The following ZFAT variants were observed in gnomAD, a reference collection of about 807,000 sequenced individuals.
The protein encoded by ZFAT is zinc finger and AT-hook domain containing, also known as zinc finger protein ZFAT.
In ZFAT, 64 loss-of-function variants were observed where a neutral mutation model predicts 117.7. The ratio of observed to expected loss-of-function variants is 0.54; its 90% CI spans 0.44 to 0.67. ZFAT has a LOEUF of 0.67. ZFAT is among the 30% of genes least tolerant of loss of function. The probability of loss-of-function intolerance (pLI) is 0.00; values close to 1 mark genes in which losing one functional copy is unlikely to be tolerated. For synonymous variants in ZFAT, 679 were observed against 615.0 expected, an observed-to-expected ratio of 1.10 and a Z score of -1.54; for missense variants, 1,433 against 1,584.5, an observed-to-expected ratio of 0.90 and a Z score of 1.62.
chr8:134,524,711 C>T (rs1820901037), intron 12 of ZFAT, among the ~76,000 whole-genome samples: 1 of 152,184 alleles, frequency 6.6e-6, no homozygotes. Context: ...GGTTGAGAAG[C>T]CCTGCCTCAC....
chr8:134,532,376 C>T (rs1013063988), intron 12 of ZFAT, among the ~76,000 whole-genome samples: 16 of 152,242 alleles, frequency 1.1e-4, no homozygotes, highest in Non-Finnish European at 1.6e-4. Flanking sequence ...TGTTCGATAA[C>T]AGAATTGTTA....
chr8:134,781,881 T>C, the ZFAT span, among the ~76,000 whole-genome samples: 1 of 152,258 alleles, frequency 6.6e-6, no homozygotes, highest in Admixed American at 6.5e-5. Context: ...TTAACATTCT[T>C]TTCCCTAGCT....
At chr8:134,628,556 A>C (rs1321061385) in intron 3 of ZFAT, among the ~76,000 whole-genome samples, 1 of 152,228 alleles carries the variant, frequency 6.6e-6, no homozygotes, top group African/African-American at 2.4e-5. Flanking sequence ...GCATACAGCC[A>C]GGGGATGCCT....
At chr8:134,765,860 T>C in the ZFAT span, 1 of 151,774 alleles carries the variant, frequency 6.6e-6, no homozygotes, top group African/African-American at 2.4e-5. Context: ...TTGCTTACAG[T>C]GCGTAAGAAA....
chr8:134,569,787 G>A (rs1190535825), intron 10 of ZFAT, among the ~76,000 whole-genome samples: 1 of 152,140 alleles, frequency 6.6e-6, no homozygotes, highest in African/African-American at 2.4e-5. Context: ...GTACCTCCCT[G>A]ACACTCCCTG....
chr8:134,498,165 C>T (rs77325122), intron 15 of ZFAT, among the ~76,000 whole-genome samples: 2 of 32,518 alleles, frequency 6.2e-5, no homozygotes, highest in Non-Finnish European at 1.2e-4. Context: ...GGGATGCCCC[C>T]GTTGCTGGTT....
chr8:134,494,205 T>C (rs1818262557), intron 15 of ZFAT, among the ~76,000 whole-genome samples: 1 of 152,118 alleles, frequency 6.6e-6, no homozygotes, highest in Admixed American at 6.5e-5. Flanking sequence ...GCTGTTGGGG[T>C]TGGGCAAACC....
intron 7 of ZFAT, 138 bp downstream of exon 7, chr8:134,600,298 G>C: frequency 1.2e-6 from 1 of 812,426 alleles, no homozygotes. Context: ...TCTGCCACGT[G>C]CACAGCTGTG....
chr8:134,527,245 A>G (rs1821090256), intron 12 of ZFAT, among the ~76,000 whole-genome samples: 1 of 152,198 alleles, frequency 6.6e-6, no homozygotes, highest in Admixed American at 6.5e-5. Flanking sequence ...CAGAAGGAAT[A>G]TTTGTTAGCA....
At chr8:134,630,016 C>T (rs1045791292) in intron 3 of ZFAT, among the ~76,000 whole-genome samples, 19 of 152,240 alleles carry the variant, frequency 1.2e-4, no homozygotes, top group Middle Eastern at 3.4e-3. Context: ...CCTGCAACAC[C>T]GACAAGAAAG....
intron 11 of ZFAT, among the ~76,000 whole-genome samples, chr8:134,563,952 G>C (rs1206174569): frequency 1.3e-5 from 2 of 151,480 alleles, no homozygotes; most frequent in Admixed American, 6.6e-5. Flanking sequence ...AAAATATTTA[G>C]GTTGCTCATA....
At chr8:134,816,637 G>A in the ZFAT span, among the ~76,000 whole-genome samples, 215 of 152,216 alleles carry the variant, frequency 1.4e-3, 1 homozygote, top group African/African-American at 5.0e-3. Flanking sequence ...GAAGGCTAAA[G>A]TATTTTTTAA....
intron 3 of ZFAT, among the ~76,000 whole-genome samples, chr8:134,633,095 T>G (rs1829994026): frequency 6.6e-6 from 1 of 152,156 alleles, no homozygotes; most frequent in African/African-American, 2.4e-5. Context: ...TATGCCCTAT[T>G]TGCATTTTCC....
At chr8:134,482,522 AG>A (rs1483442984) in intron 15 of ZFAT, among the ~76,000 whole-genome samples, 1 of 152,218 alleles carries the variant, frequency 6.6e-6, no homozygotes, top group Non-Finnish European at 1.5e-5. Context: ...CCTCCTGAGA[AG>A]TATGCCTCTC....
chr8:134,701,885 C>T (rs1834016940), intron 1 of ZFAT, among the ~76,000 whole-genome samples: 1 of 152,210 alleles, frequency 6.6e-6, no homozygotes, highest in African/African-American at 2.4e-5. Context: ...CATGTTGAAA[C>T]TTAATCCCCA....
At chr8:134,581,865 T>C (rs765069807) in intron 10 of ZFAT, among the ~76,000 whole-genome samples, 24 of 152,164 alleles carry the variant, frequency 1.6e-4, no homozygotes, top group Non-Finnish European at 2.9e-4. Flanking sequence ...GCTGGGATTA[T>C]AGGCATGAGC....
At chr8:134,638,046 T>C (rs919756426) in intron 2 of ZFAT, among the ~76,000 whole-genome samples, 2 of 152,294 alleles carry the variant, frequency 1.3e-5, no homozygotes, top group African/African-American at 4.8e-5. Context: ...TTAAGCACCA[T>C]TTCCACTGAA....
chr8:134,734,237 G>A, the ZFAT span, among the ~76,000 whole-genome samples: 1 of 152,208 alleles, frequency 6.6e-6, no homozygotes, highest in East Asian at 1.9e-4. Flanking sequence ...GCAACTTTAG[G>A]CTGCTTTCAC....
intron 14 of ZFAT, among the ~76,000 whole-genome samples, chr8:134,510,491 C>T (rs551009033): frequency 6.6e-6 from 1 of 152,230 alleles, no homozygotes; most frequent in East Asian, 1.9e-4. Context: ...GGCCGTGTTC[C>T]AATGCGAGTC....
Sources: gnomAD v4.1 joint callset for allele counts (sites outside exome capture counted in the v4.1 genomes callset) on GRCh38, gnomAD v4.1.1 for gene constraint, MANE v1.5 for transcripts, NCBI Gene and HGNC (gene_info 2026-07-23, HGNC 2026-07-21) for gene names.